The following SLC44A5 variants were observed in gnomAD, a reference collection of about 807,000 sequenced individuals.
SLC44A5 encodes choline transporter-like protein 5.
SLC44A5 carries 57 observed loss-of-function variants against 101.8 expected under a neutral mutation model. The ratio of observed to expected loss-of-function variants is 0.56; its 90% CI spans 0.45 to 0.70. The LOEUF is 0.70. Ranked by LOEUF, SLC44A5 falls within the 30% of genes least tolerant of loss-of-function variation. The pLI, the probability that SLC44A5 is intolerant of heterozygous loss-of-function variation, is 0.00. For missense variants in SLC44A5, 737 were observed against 853.1 expected (o/e 0.86, Z 1.70); for synonymous variants, 281 against 290.9 (o/e 0.97, Z 0.35).
chr1:75,516,822 T>C (rs1017206459), intron 2 of SLC44A5, among the ~76,000 whole-genome samples: 4 of 152,186 alleles, frequency 2.6e-5, no homozygotes, highest in Non-Finnish European at 4.4e-5. Context: ...TTTTTTGTCA[T>C]ATGGTGTATT....
chr1:75,355,599 T>C (rs1237543809), intron 3 of SLC44A5, among the ~76,000 whole-genome samples: 1 of 152,208 alleles, frequency 6.6e-6, no homozygotes, highest in African/African-American at 2.4e-5. Flanking sequence ...CATCACATAA[T>C]GATGCTTCAG....
Position 75,222,418 on chromosome 1 carries a change from A to G in SLC44A5, c.1028T>C (p.Leu343Pro). ...TCGGATTCGATTCCTGAGGAAGATCAGCATGAGGATGACAATCACTTCAAT... is the reference window on the plus strand; with the variant it reads ...TCGGATTCGATTCCTGAGGAAGATCGGCATGAGGATGACAATCACTTCAAT... The part of the protein sequence containing the change: ...CIIEVIVILM[L>P]IFLRNRIRVA... The change falls in exon 14 of 24, where the codon CTG (leucine) becomes CCG (proline). Residue 343 changes from leucine to proline, a missense_variant. By Grantham distance (98) the Leu-to-Pro change is moderately conservative. Coordinates refer to ENST00000370859, the MANE Select transcript of SLC44A5 (RefSeq NM_001130058.2). 1 of 1,613,766 alleles carries G rather than the reference A, an allele frequency of 6.2e-7. No individual in the cohort carries two copies. Among genetic ancestry groups the G allele is most frequent in the Non-Finnish European group, 8.5e-7 (1 of 1,179,908 alleles).
the SLC44A5 span, among the ~76,000 whole-genome samples, chr1:75,713,555 T>C: frequency 2.8e-4 from 42 of 152,258 alleles, 1 homozygote; most frequent in Admixed American, 2.7e-3. Flanking sequence ...CATATGCCCA[T>C]GGGTTAGGGA....
chr1:75,625,171 G>T, the SLC44A5 span, among the ~76,000 whole-genome samples: 1 of 152,038 alleles, frequency 6.6e-6, no homozygotes, highest in Non-Finnish European at 1.5e-5. Context: ...TTCATATGGT[G>T]GGACTTCCCT....
At chr1:75,376,313 C>T (rs1660604165) in intron 3 of SLC44A5, among the ~76,000 whole-genome samples, 1 of 152,240 alleles carries the variant, frequency 6.6e-6, no homozygotes, top group Non-Finnish European at 1.5e-5. Context: ...AGCCAGGAAG[C>T]TCCAACTGGG....
chr1:75,603,023 ATT>A (rs201061299), intron 1 of SLC44A5, among the ~76,000 whole-genome samples: 2,791 of 152,114 alleles, frequency 0.018, 40 homozygotes, highest in Middle Eastern at 0.051. Context: ...ACATATACAC[ATT>A]GTTACCTGGT....
chr1:75,614,274 C>A (rs935148023), upstream of SLC44A5, among the ~76,000 whole-genome samples: 3 of 152,272 alleles, frequency 2.0e-5, no homozygotes, highest in South Asian at 4.1e-4. Context: ...TCGTGTATCT[C>A]TATACCCATG....
chr1:75,533,037 C>A (rs557904179), intron 2 of SLC44A5, among the ~76,000 whole-genome samples: 1 of 152,290 alleles, frequency 6.6e-6, no homozygotes, highest in East Asian at 1.9e-4. Context: ...ATGTCCCATT[C>A]CATGCTCTAC....
intron 3 of SLC44A5, among the ~76,000 whole-genome samples, chr1:75,376,821 G>A (rs1338043777): frequency 1.3e-5 from 2 of 152,242 alleles, no homozygotes; most frequent in Admixed American, 6.5e-5. Context: ...AACAAAGCTG[G>A]ATGGAGAATG....
chr1:75,529,612 T>A (rs1670610148), intron 2 of SLC44A5, among the ~76,000 whole-genome samples: 1 of 152,178 alleles, frequency 6.6e-6, no homozygotes, highest in African/African-American at 2.4e-5. Context: ...TATTGTGTAA[T>A]GAATCAGTCT....
the SLC44A5 span, among the ~76,000 whole-genome samples, chr1:75,620,670 T>C: frequency 6.6e-6 from 1 of 152,212 alleles, no homozygotes; most frequent in African/African-American, 2.4e-5. Flanking sequence ...CACTTTTTGA[T>C]AGGGTTGTTT....
At chr1:75,236,913 AT>A in intron 11 of SLC44A5, 73 bp downstream of exon 11, 1 of 763,496 alleles carries the variant, frequency 1.3e-6, no homozygotes, top group South Asian at 2.3e-5. Context: ...AAAATATAAA[AT>A]TTGAAGAAAG....
At chr1:75,457,209 G>GA (rs1174658955) in intron 2 of SLC44A5, among the ~76,000 whole-genome samples, 1 of 151,964 alleles carries the variant, frequency 6.6e-6, no homozygotes, top group Admixed American at 6.5e-5. Flanking sequence ...TTCTTTTAAA[G>GA]AAAGAAAAGC....
intron 7 of SLC44A5, among the ~76,000 whole-genome samples, chr1:75,248,792 T>C (rs1284886910): frequency 2.0e-5 from 3 of 152,028 alleles, no homozygotes; most frequent in Non-Finnish European, 4.4e-5. Context: ...AGGCATGGAG[T>C]AGGCTGAAAG....
At chr1:75,265,537 AC>A (rs1650913335) in intron 6 of SLC44A5, among the ~76,000 whole-genome samples, 1 of 152,198 alleles carries the variant, frequency 6.6e-6, no homozygotes, top group South Asian at 2.1e-4. Context: ...AATGTACTGT[AC>A]ATTTCAAAGC....
intron 2 of SLC44A5, among the ~76,000 whole-genome samples, chr1:75,444,483 G>GAAGAAAGAAGAAAGAAAGAAAGA (rs1665418405): frequency 1.4e-5 from 2 of 140,656 alleles, no homozygotes; most frequent in African/African-American, 2.7e-5. Context: ...GAGAAAGAAA[G>GAAGAAAGAAGAAAGAAAGAAAGA]AAGAAAGAAA....
upstream of SLC44A5, among the ~76,000 whole-genome samples, chr1:75,615,610 T>C (rs975684776): frequency 2.0e-5 from 3 of 151,484 alleles, no homozygotes; most frequent in East Asian, 5.9e-4. Context: ...AGGGGTGGGG[T>C]GAGAGAGGAG....
the SLC44A5 span, among the ~76,000 whole-genome samples, chr1:75,676,508 A>G: frequency 6.6e-6 from 1 of 152,114 alleles, no homozygotes; most frequent in Non-Finnish European, 1.5e-5. Context: ...ACATAGAAAC[A>G]TAGGGTGGAG....
intron 1 of SLC44A5, among the ~76,000 whole-genome samples, chr1:75,608,847 A>G (rs1301985556): frequency 6.6e-6 from 1 of 151,612 alleles, no homozygotes; most frequent in Non-Finnish European, 1.5e-5. Context: ...CAGCTGGCCC[A>G]CCATCATCCC....
Sources: allele counts gnomAD v4.1 joint callset (sites outside exome capture counted in the v4.1 genomes callset), GRCh38; gene constraint gnomAD v4.1.1; transcripts MANE v1.5; gene names NCBI Gene and HGNC (gene_info 2026-07-23, HGNC 2026-07-21).